KLC1: variants seen among roughly 807,000 people sequenced by gnomAD.
KLC1 encodes kinesin light chain 1.
A neutral mutation model predicts 84.2 loss-of-function variants in KLC1; 30 were observed. That is an observed-to-expected ratio of 0.36 (90% CI 0.27 to 0.48). KLC1 has a LOEUF of 0.48. Ranked by LOEUF, KLC1 falls within the 20% of genes least tolerant of loss-of-function variation. The pLI is 0.99. For missense variants in KLC1, 499 were observed against 805.4 expected (o/e 0.62, Z 4.60); for synonymous variants, 289 against 293.3 (o/e 0.99, Z 0.15).
At chr14:103,675,509 G>T in intron 9 of KLC1, 43 bp from the exon 10 acceptor site, 1 of 1,567,454 alleles carries the variant, frequency 6.4e-7, no homozygotes, top group South Asian at 1.1e-5. Context: ...TTGGAGTTTT[G>T]GATTAAGGAT....
intron 1 of KLC1, among the ~76,000 whole-genome samples, chr14:103,638,898 A>AGG (rs1012345098): frequency 1.3e-5 from 2 of 150,058 alleles, no homozygotes; most frequent in Non-Finnish European, 3.0e-5. Flanking sequence ...TGTGAGCACA[A>AGG]GGGTGTGTGT....
At chr14:103,655,593 G>T (rs1178441351) in intron 2 of KLC1, among the ~76,000 whole-genome samples, 2 of 144,368 alleles carry the variant, frequency 1.4e-5, no homozygotes, top group African/African-American at 5.0e-5. Flanking sequence ...CACCATGCCC[G>T]GCCTCTGAAT....
chr14:103,643,643 G>A (rs551849320), intron 1 of KLC1, among the ~76,000 whole-genome samples: 2 of 152,226 alleles, frequency 1.3e-5, no homozygotes, highest in South Asian at 4.1e-4. Context: ...AAATACATTG[G>A]TTGACCGGGC....
intron 15 of KLC1, chr14:103,699,077 C>G: frequency 6.4e-7 from 1 of 1,563,630 alleles, no homozygotes; most frequent in Non-Finnish European, 8.7e-7. Context: ...CCACTTCGGC[C>G]CAGCTGTGCC....
At chr14:103,650,279 A>T (rs2078320342) in intron 1 of KLC1, among the ~76,000 whole-genome samples, 1 of 152,032 alleles carries the variant, frequency 6.6e-6, no homozygotes, top group African/African-American at 2.4e-5. Context: ...GTACAGGGAG[A>T]CTGAGCCTCC....
At chr14:103,697,020 G>A (rs1293047364) in intron 15 of KLC1, 3 of 985,448 alleles carry the variant, frequency 3.0e-6, no homozygotes, top group Non-Finnish European at 3.6e-6. Context: ...GCTTCCAGGC[G>A]TGTTTTCTCT....
intron 13 of KLC1, chr14:103,683,934 T>C (rs1196669766): frequency 6.6e-6 from 1 of 152,218 alleles, no homozygotes; most frequent in Non-Finnish European, 1.5e-5. Context: ...TCCCAGGACT[T>C]TGGGAGGCCG....
intron 7 of KLC1, among the ~76,000 whole-genome samples, chr14:103,670,929 A>AAAAAG (rs1555423096): frequency 0.016 from 2,428 of 151,986 alleles, 74 homozygotes; most frequent in African/African-American, 0.055. Context: ...AAAGAAAAAA[A>AAAAAG]AAAGAAAAGA....
At chr14:103,666,829 T>G (rs971560812) in intron 5 of KLC1, among the ~76,000 whole-genome samples, 1 of 149,140 alleles carries the variant, frequency 6.7e-6, no homozygotes, top group South Asian at 2.1e-4. Flanking sequence ...CGGGCTGGCA[T>G]GCAATGGCAT....
chr14:103,631,385 T>C (rs907233866), intron 1 of KLC1, among the ~76,000 whole-genome samples: 18 of 151,826 alleles, frequency 1.2e-4, no homozygotes, highest in African/African-American at 4.1e-4. Context: ...TGGCCCAAAT[T>C]TATACATTTT....
At chr14:103,629,826 T>A (rs1426176774) in intron 1 of KLC1, among the ~76,000 whole-genome samples, 1 of 151,986 alleles carries the variant, frequency 6.6e-6, no homozygotes, top group Admixed American at 6.5e-5. Context: ...TGGCCCCGCA[T>A]CCCCGGCTTG....
At chr14:103,700,007 C>G in intron 15 of KLC1, 1 of 284,908 alleles carries the variant, frequency 3.5e-6, no homozygotes, top group Non-Finnish European at 6.9e-6. Context: ...CCACCCAAAC[C>G]TGGCCACAGT....
At position 103,670,292 on chromosome 14, in the gene KLC1, GA is replaced by G. The variant is rs2080258463; in HGVS notation, c.987+11del. On this transcript the variant is annotated intron_variant, in intron 7 of 16. Coordinates refer to ENST00000334553, the MANE Select transcript of KLC1 (RefSeq NM_001394837.1). ...TGGAAATCCGAGAAAAGGTACAAAAGAAGGGGGCAGTCGTTTTCTTTGAGAT... is the reference window on the plus strand; with the variant it reads ...TGGAAATCCGAGAAAAGGTACAAAAGAGGGGGCAGTCGTTTTCTTTGAGAT... The G allele has an allele frequency of 1.3e-6, 2 of 1,593,016 alleles. No individual in the cohort carries two copies. Among genetic ancestry groups the G allele is most frequent in the Admixed American group, 3.4e-5 (2 of 59,096 alleles).
In KLC1 at chr14:103,694,885, G is replaced by T. The variant is rs537739287; in HGVS notation, c.1848+2460G>T. The stretch of plus-strand genomic sequence containing the variant: ...TCAAAGTTTCATCCCGCCTCATGTC[G>T]CAGGACTGCTGTGTTTGTGAAAGCG... On this transcript the variant is annotated intron_variant, in intron 15 of 16. Transcript: ENST00000334553. The surrounding 1 kb of genome is among the most constrained non-coding windows in gnomAD (Gnocchi z 4.5). The T allele has an allele frequency of 8.1e-6, 8 of 985,348 alleles. No individual in the cohort carries two copies. The highest frequency in any genetic ancestry group is 1.7e-5 in the African/African-American group (1 of 57,248). 61.0% of individuals were successfully genotyped at this position (985,348 alleles called of 1,614,324 possible). A position where few individuals can be genotyped will look rare whatever the true frequency, so the allele number is the denominator to read the frequency against.
intron 1 of KLC1, among the ~76,000 whole-genome samples, chr14:103,647,526 A>C (rs1656518398): frequency 6.6e-6 from 1 of 151,960 alleles, no homozygotes; most frequent in African/African-American, 2.4e-5. Context: ...ACTGTGCCTT[A>C]CCCAGAAACT....
chr14:103,670,620 C>T (rs2080296943), intron 7 of KLC1, among the ~76,000 whole-genome samples: 1 of 151,926 alleles, frequency 6.6e-6, no homozygotes. Flanking sequence ...CAGGCTGAGC[C>T]ACTGTGCCCG....
intron 15 of KLC1, among the ~76,000 whole-genome samples, chr14:103,692,984 T>G (rs904599359): frequency 6.6e-6 from 1 of 152,166 alleles, no homozygotes; most frequent in Non-Finnish European, 1.5e-5. Flanking sequence ...CCGTTTGAGT[T>G]TTCATCCACT....
At chr14:103,700,091 G>A (rs1480766369) in intron 15 of KLC1, 2 of 219,604 alleles carry the variant, frequency 9.1e-6, no homozygotes, top group African/African-American at 4.6e-5. Context: ...TGCCCTTCAG[G>A]CGTTACTCAG....
At chr14:103,669,437 A>AAAAAG (rs57555596) in intron 5 of KLC1, 74 bp from the exon 6 acceptor site, 15,693 of 856,670 alleles carry the variant, frequency 0.018, 482 homozygotes, top group African/African-American at 0.092. Flanking sequence ...CTGTCTAAAA[A>AAAAAG]AAAAGAAAAG....
Sources: gnomAD v4.1 joint callset for allele counts (sites outside exome capture counted in the v4.1 genomes callset) on GRCh38, gnomAD v4.1.1 for gene constraint, Gnocchi (gnomAD v3.1) non-coding constraint, MANE v1.5 for transcripts, NCBI Gene and HGNC (gene_info 2026-07-23, HGNC 2026-07-21) for gene names.